CALN1: variants seen among roughly 807,000 people sequenced by gnomAD.
CALN1 encodes the protein calneuron 1.
In CALN1, 17 loss-of-function variants were observed where a neutral mutation model predicts 30.6. The observed-to-expected ratio is 0.56, with a 90% CI of 0.38 to 0.83. The LOEUF (loss-of-function observed/expected upper bound fraction) is 0.83, where lower values mean the gene tolerates loss of function less well. Ranked by LOEUF, CALN1 falls within the 40% of genes least tolerant of loss-of-function variation. The probability of loss-of-function intolerance (pLI) is 0.00; values close to 1 mark genes in which losing one functional copy is unlikely to be tolerated. For synonymous variants in CALN1, 156 were observed against 131.4 expected (o/e 1.19, Z -1.28); for missense variants, 291 against 354.9 (o/e 0.82, Z 1.45).
intron 4 of CALN1, among the ~76,000 whole-genome samples, chr7:72,096,794 C>T (rs971108689): frequency 1.3e-4 from 20 of 152,292 alleles, no homozygotes; most frequent in Admixed American, 1.0e-3. Flanking sequence ...TTTGACCCAG[C>T]AATCCCATTA....
intron 4 of CALN1, among the ~76,000 whole-genome samples, chr7:72,041,435 G>A (rs1802120564): frequency 6.6e-6 from 1 of 152,006 alleles, no homozygotes; most frequent in African/African-American, 2.4e-5. Flanking sequence ...CCAGGCTAGA[G>A]TGCAGTGGTA....
At chr7:71,805,979 CACAGG>C (rs1562795125) in intron 6 of CALN1, among the ~76,000 whole-genome samples, 1 of 152,168 alleles carries the variant, frequency 6.6e-6, no homozygotes, top group Non-Finnish European at 1.5e-5. Flanking sequence ...AGCAAACTAA[CACAGG>C]AGCAGAAAAC....
chr7:72,163,774 G>A (rs189171636), intron 3 of CALN1, among the ~76,000 whole-genome samples: 1 of 152,262 alleles, frequency 6.6e-6, no homozygotes, highest in East Asian at 1.9e-4. Context: ...TATTGATGGA[G>A]ATTCAGTGAC....
intron 2 of CALN1, among the ~76,000 whole-genome samples, chr7:72,345,931 C>A (rs1286359213): frequency 6.6e-6 from 1 of 151,656 alleles, no homozygotes; most frequent in Admixed American, 6.6e-5. Flanking sequence ...CAGGCATGTC[C>A]GGAAAAAGAA....
At chr7:72,317,868 T>A (rs1214234902) in intron 2 of CALN1, among the ~76,000 whole-genome samples, 1 of 151,540 alleles carries the variant, frequency 6.6e-6, no homozygotes, top group Non-Finnish European at 1.5e-5. Flanking sequence ...TCGCAACAGA[T>A]GAAAAAGTAA....
At chr7:72,407,597 G>T (rs1349725503) in intron 1 of CALN1, among the ~76,000 whole-genome samples, 4 of 152,046 alleles carry the variant, frequency 2.6e-5, no homozygotes, top group African/African-American at 9.7e-5. Flanking sequence ...CACCATAATT[G>T]TAAGTTTCCT....
intron 4 of CALN1, among the ~76,000 whole-genome samples, chr7:72,058,528 A>G (rs1803431334): frequency 6.6e-6 from 1 of 151,942 alleles, no homozygotes; most frequent in Non-Finnish European, 1.5e-5. Context: ...CATGTTGGTC[A>G]GGCTGATCTC....
At chr7:71,990,933 C>T (rs896862235) in intron 5 of CALN1, among the ~76,000 whole-genome samples, 7 of 151,860 alleles carry the variant, frequency 4.6e-5, no homozygotes, top group Non-Finnish European at 7.4e-5. Flanking sequence ...CTCCAGAAAT[C>T]AAGGAGTACT....
intron 3 of CALN1, among the ~76,000 whole-genome samples, chr7:72,156,929 G>C (rs1787727170): frequency 6.6e-6 from 1 of 152,222 alleles, no homozygotes. Context: ...GTGATGCTGA[G>C]TGTTGAGAGG....
chr7:71,939,626 C>T (rs1426744484), intron 5 of CALN1, among the ~76,000 whole-genome samples: 1 of 151,786 alleles, frequency 6.6e-6, no homozygotes, highest in African/African-American at 2.4e-5. Context: ...CTCCACCCCA[C>T]ATTCCCTAGA....
Position 71,951,837 on chromosome 7 carries a change from G to A in CALN1, c.501+71820C>T, listed in dbSNP as rs150171684. On this transcript the variant is annotated intron_variant, in intron 5 of 6. Transcript: ENST00000395275. ...CCCTGAGCCAGGATTTGAAATCAAA[G>A]TCTTTGACTTTGAAATCATGCAAGC... Among the ~76,000 whole-genome samples the A allele has an allele frequency of 9.6e-3, 1,460 of 152,222 alleles. 21 individuals are homozygous for A. The highest frequency in any genetic ancestry group is 0.032 in the African/African-American group (1,321 of 41,550).
intron 2 of CALN1, among the ~76,000 whole-genome samples, chr7:72,315,705 TA>T (rs967642012): frequency 2.3e-3 from 322 of 139,956 alleles, no homozygotes; most frequent in Middle Eastern, 3.8e-3. Context: ...ACCCTGTCTC[TA>T]AAAAAAAAAA....
rs374327471 is a variant in CALN1, at chr7:72,248,249, G to C, written c.244+30437C>G. Reference sequence around the variant, plus strand: ...CCTGCCTCAGCCTTCCAAGTAGCTGGGATTACAAGTGCTCGCCACCACACC... The same window carrying C: ...CCTGCCTCAGCCTTCCAAGTAGCTGCGATTACAAGTGCTCGCCACCACACC... On this transcript the variant is annotated intron_variant, in intron 3 of 6. Coordinates refer to ENST00000395275, the MANE Select transcript of CALN1 (RefSeq NM_031468.4). 2.5e-3 allele frequency among the ~76,000 whole-genome samples: 374 copies of C among 152,210 alleles called. 3 individuals carry two copies. The highest frequency in any genetic ancestry group is 0.017 in the Middle Eastern group (5 of 294).
chr7:72,305,655 G>A lies in CALN1; in HGVS notation c.120-26845C>T, dbSNP rs562355445. On this transcript the variant is annotated intron_variant, in intron 2 of 6. Coordinates refer to ENST00000395275, the MANE Select transcript of CALN1 (RefSeq NM_031468.4). Reference sequence around the variant, plus strand: ...ATAACTGCACACTGTACCCAACATTGATTGTTGAGAGTTCTCTAGAACAGC... The same window carrying A: ...ATAACTGCACACTGTACCCAACATTAATTGTTGAGAGTTCTCTAGAACAGC... Among the ~76,000 whole-genome samples, 98 of 152,298 alleles carry A rather than the reference G, an allele frequency of 6.4e-4. 1 individual carries two copies. Among genetic ancestry groups the A allele is most frequent in the African/African-American group, 2.2e-3 (92 of 41,568 alleles).
chr7:72,069,055 G>A (rs1340255118), intron 4 of CALN1, among the ~76,000 whole-genome samples: 3 of 152,204 alleles, frequency 2.0e-5, no homozygotes, highest in Admixed American at 2.0e-4. Flanking sequence ...AATGAAAATT[G>A]CTTTCCCATC....
chr7:72,065,113 GTTAATATATGTAAAATATATTTATA>G (rs1563025337), intron 4 of CALN1, among the ~76,000 whole-genome samples: 1 of 145,032 alleles, frequency 6.9e-6, no homozygotes, highest in Non-Finnish European at 1.5e-5. Flanking sequence ...ATATATTTAT[GTTAATATATGTAAAATATATTTATA>G]TTTTAAAATA....
intron 5 of CALN1, among the ~76,000 whole-genome samples, chr7:71,906,265 G>A (rs986205454): frequency 6.6e-6 from 1 of 152,190 alleles, no homozygotes; most frequent in Non-Finnish European, 1.5e-5. Flanking sequence ...TCTGGCAGCA[G>A]CCGGGCGGAA....
intron 5 of CALN1, among the ~76,000 whole-genome samples, chr7:71,988,989 C>T (rs1329230273): frequency 1.3e-5 from 2 of 152,156 alleles, no homozygotes; most frequent in African/African-American, 4.8e-5. Flanking sequence ...TTATTTGCCT[C>T]AAAGCCCTGT....
At chr7:72,143,041 A>C (rs1810072690) in intron 3 of CALN1, among the ~76,000 whole-genome samples, 1 of 152,170 alleles carries the variant, frequency 6.6e-6, no homozygotes, top group Non-Finnish European at 1.5e-5. Flanking sequence ...AGAGCAGAAA[A>C]ACTGAAAATT....
Sources: gnomAD v4.1 joint callset for allele counts (sites outside exome capture counted in the v4.1 genomes callset) on GRCh38, gnomAD v4.1.1 for gene constraint, MANE v1.5 for transcripts, NCBI Gene and HGNC (gene_info 2026-07-23, HGNC 2026-07-21) for gene names.